The following C9orf152 variants were observed in gnomAD, a reference collection of about 807,000 sequenced individuals.
The protein encoded by C9orf152 is chromosome 9 open reading frame 152.
In C9orf152, 8 loss-of-function variants were observed where a neutral mutation model predicts 8.5. The observed-to-expected ratio is 0.94, with a 90% CI of 0.55 to 1.70. The LOEUF is 1.70. Ranked by LOEUF, C9orf152 falls within the 40% of genes most tolerant of loss-of-function variation. C9orf152 has a pLI of 0.00. For synonymous variants in C9orf152, 109 were observed against 113.0 expected (o/e 0.96, Z 0.22); for missense variants, 293 against 286.2 (o/e 1.02, Z -0.17).
At chr9:110,204,846 T>C (rs955590398) in intron 1 of C9orf152, among the ~76,000 whole-genome samples, 11 of 152,206 alleles carry the variant, frequency 7.2e-5, no homozygotes, top group African/African-American at 2.7e-4. Context: ...ACATACCTCA[T>C]GTAAATGGGA....
Position 110,200,910 on chromosome 9 carries a change from T to G in C9orf152, c.*38A>C. On this transcript the variant is annotated 3_prime_UTR_variant, in exon 2 of 2. Transcript: ENST00000400613. Reference sequence around the variant, plus strand: ...CTTGGTTCTTCTATAAGGCCATAGGTGGCCTCAAGGTCAAGACATCTGGCA... The same window carrying G: ...CTTGGTTCTTCTATAAGGCCATAGGGGGCCTCAAGGTCAAGACATCTGGCA... The G allele has an allele frequency of 6.4e-7, 1 of 1,552,256 alleles. No individual in the cohort carries two copies. The highest frequency in any genetic ancestry group is 1.3e-5 in the South Asian group (1 of 78,092).
In C9orf152 at chr9:110,207,772, G is replaced by A; in HGVS notation, c.-193C>T. On this transcript the variant is annotated 5_prime_UTR_variant, in exon 1 of 2. Coordinates refer to ENST00000400613, the MANE Select transcript of C9orf152 (RefSeq NM_001012993.3). ...AAGGGGAAGAGGAGGTAGGGATAGG[G>A]AGAAATGTGGGGGAGGAGAAAGGTG... 1.9e-6 allele frequency: 1 copy of A among 520,816 alleles called. No homozygotes were observed. The highest frequency in any genetic ancestry group is 3.3e-6 in the Non-Finnish European group (1 of 300,764). 32.3% of individuals were successfully genotyped at this position (520,816 alleles called of 1,614,324 possible). A position where few individuals can be genotyped will look rare whatever the true frequency, so the allele number is the denominator to read the frequency against.
At chr9:110,206,668 A>G (rs1837276919) in intron 1 of C9orf152, among the ~76,000 whole-genome samples, 1 of 152,320 alleles carries the variant, frequency 6.6e-6, no homozygotes, top group South Asian at 2.1e-4. Context: ...GGCAAAGGGC[A>G]GCCCAAAGAG....
Position 110,201,198 on chromosome 9 carries a change from G to C in C9orf152, c.470C>G (p.Thr157Arg), listed in dbSNP as rs779668852. Reference protein sequence around the residue: ...SDQRLPPEGDTHLFETNQMTQ... With the variant: ...SDQRLPPEGDRHLFETNQMTQ... ...CATCTGATTGGTTTCAAACAAGTGT[G>C]TGTCTCCTTCAGGAGGGAGCCTTTG... Residue 157 changes from threonine (T) to arginine (R), a missense_variant, in exon 2 of 2, where the codon ACA becomes AGA. By Grantham distance (71) the Thr-to-Arg change is moderately conservative (BLOSUM62 -1). Coordinates refer to ENST00000400613, the MANE Select transcript of C9orf152 (RefSeq NM_001012993.3). The C allele has an allele frequency of 1.2e-6, 2 of 1,614,178 alleles. No individual in the cohort carries two copies. Among genetic ancestry groups the C allele is most frequent in the South Asian group, 2.2e-5 (2 of 91,080 alleles).
intron 1 of C9orf152, among the ~76,000 whole-genome samples, chr9:110,203,121 A>C (rs922979196): frequency 6.7e-6 from 1 of 150,178 alleles, no homozygotes; most frequent in Non-Finnish European, 1.5e-5. Context: ...TCCCGGGTTC[A>C]AGCGATTCTC....
Position 110,200,777 on chromosome 9 carries a change from G to T in C9orf152, c.*171C>A. 1 of 689,978 alleles carries T rather than the reference G, an allele frequency of 1.4e-6. No homozygotes were observed. The highest frequency in any genetic ancestry group is 2.4e-6 in the Non-Finnish European group (1 of 423,002). The allele number at this position is 689,978 out of a possible 1,614,324, so 42.7% of individuals were successfully genotyped here. ...TTGGCCTGGGAAGTCTCTTCTTATT[G>T]GAAGGGTAAAACCATGTTACCATTG... is the stretch of plus-strand genomic sequence containing the variant. On this transcript the variant is annotated 3_prime_UTR_variant, in exon 2 of 2. Transcript: ENST00000400613.
intron 1 of C9orf152, 110 bp from the exon 2 acceptor site, chr9:110,201,584 C>G: frequency 2.4e-6 from 2 of 821,936 alleles, no homozygotes; most frequent in Non-Finnish European, 3.7e-6. Flanking sequence ...CAGAAGGTTC[C>G]TGGTACATTT....
chr9:110,207,803 C>A lies in C9orf152; in HGVS notation c.-224G>T. On this transcript the variant is annotated 5_prime_UTR_variant, in exon 1 of 2. Coordinates refer to ENST00000400613, the MANE Select transcript of C9orf152 (RefSeq NM_001012993.3). The stretch of plus-strand genomic sequence containing the variant: ...TGTGGGGGAGGAGAAAGGTGGGAGA[C>A]AGTGGCAGTAAGAGGAGAAGGAAAT... 4.1e-6 allele frequency: 2 copies of A among 489,378 alleles called. No homozygotes were observed. The highest frequency in any genetic ancestry group is 3.4e-5 in the South Asian group (1 of 29,366). 30.3% of individuals were successfully genotyped at this position (489,378 alleles called of 1,614,324 possible).
At chr9:110,201,889 A>T (rs1269790003) in intron 1 of C9orf152, among the ~76,000 whole-genome samples, 1 of 152,168 alleles carries the variant, frequency 6.6e-6, no homozygotes, top group Non-Finnish European at 1.5e-5. Flanking sequence ...CTCAAGCATA[A>T]TAGAGGGTCA....
At chr9:110,203,882 TAG>T (rs1837246844) in intron 1 of C9orf152, among the ~76,000 whole-genome samples, 1 of 152,056 alleles carries the variant, frequency 6.6e-6, no homozygotes, top group Non-Finnish European at 1.5e-5. Flanking sequence ...AAGAGAGTGG[TAG>T]AGAGACTCAG....
At chr9:110,203,727 A>G (rs1837245366) in intron 1 of C9orf152, among the ~76,000 whole-genome samples, 1 of 152,194 alleles carries the variant, frequency 6.6e-6, no homozygotes, top group African/African-American at 2.4e-5. Flanking sequence ...CTGGAAGGAA[A>G]TGTACTCGTT....
chr9:110,200,872 G>T lies in C9orf152; in HGVS notation c.*76C>A. 7.0e-7 allele frequency: 1 copy of T among 1,430,874 alleles called. No individual in the cohort carries two copies. Among genetic ancestry groups the T allele is most frequent in the Non-Finnish European group, 9.5e-7 (1 of 1,056,904 alleles). The allele number at this position is 1,430,874 out of a possible 1,614,324, so 88.6% of individuals were successfully genotyped here. On this transcript the variant is annotated 3_prime_UTR_variant, in exon 2 of 2. Coordinates refer to ENST00000400613, the MANE Select transcript of C9orf152 (RefSeq NM_001012993.3). ...CTTGCTCATAGCTAGAGACCTCGTTGTGGCTCTGCCTCCTTGGTTCTTCTA... is the reference window on the plus strand; with the variant it reads ...CTTGCTCATAGCTAGAGACCTCGTTTTGGCTCTGCCTCCTTGGTTCTTCTA...
rs1837208885 is a variant in C9orf152, at chr9:110,200,928, A to G, written c.*20T>C. The G allele has an allele frequency of 2.5e-6, 4 of 1,574,588 alleles. No homozygotes were observed. Among genetic ancestry groups the G allele is most frequent in the South Asian group, 1.2e-5 (1 of 82,188 alleles). On this transcript the variant is annotated 3_prime_UTR_variant, in exon 2 of 2. Coordinates refer to ENST00000400613, the MANE Select transcript of C9orf152 (RefSeq NM_001012993.3). Reference sequence around the variant, plus strand: ...CCATAGGTGGCCTCAAGGTCAAGACATCTGGCAGAATAGAAAGCTTCACGC... The same window carrying G: ...CCATAGGTGGCCTCAAGGTCAAGACGTCTGGCAGAATAGAAAGCTTCACGC...
chr9:110,203,155 G>A (rs1447474769), intron 1 of C9orf152, among the ~76,000 whole-genome samples: 1 of 151,712 alleles, frequency 6.6e-6, no homozygotes, highest in Non-Finnish European at 1.5e-5. Context: ...CCGAGTAGCT[G>A]GGTCTATAGG....
chr9:110,203,229 T>A (rs143086901), intron 1 of C9orf152, among the ~76,000 whole-genome samples: 3 of 152,044 alleles, frequency 2.0e-5, no homozygotes, highest in Admixed American at 2.0e-4. Context: ...TTCACTGTGT[T>A]AGCCAGGATG....
At chr9:110,202,368 C>T (rs1054479045) in intron 1 of C9orf152, among the ~76,000 whole-genome samples, 2 of 152,226 alleles carry the variant, frequency 1.3e-5, no homozygotes, top group African/African-American at 4.8e-5. Flanking sequence ...CAGGCGTGAG[C>T]CACTGCGCTC....
chr9:110,206,523 G>T (rs1837275748), intron 1 of C9orf152, among the ~76,000 whole-genome samples: 1 of 152,208 alleles, frequency 6.6e-6, no homozygotes, highest in African/African-American at 2.4e-5. Flanking sequence ...GGATTCCATT[G>T]GTTGGCAACA....
intron 1 of C9orf152, among the ~76,000 whole-genome samples, chr9:110,203,638 G>A (rs576285970): frequency 8.1e-4 from 124 of 152,302 alleles, no homozygotes; most frequent in Non-Finnish European, 1.4e-3. Context: ...AAGAGAATTA[G>A]GGTAATTGAC....
At chr9:110,203,199 A>G (rs561632777) in intron 1 of C9orf152, among the ~76,000 whole-genome samples, 66 of 151,272 alleles carry the variant, frequency 4.4e-4, no homozygotes, top group Admixed American at 4.3e-3. Context: ...TTTTTTTTGT[A>G]TTTTTAGTAG....
Sources: gnomAD v4.1 joint callset for allele counts (sites outside exome capture counted in the v4.1 genomes callset) on GRCh38, gnomAD v4.1.1 for gene constraint, MANE v1.5 for transcripts, NCBI Gene and HGNC (gene_info 2026-07-23, HGNC 2026-07-21) for gene names.